Variants in MYPN observed in about 807,000 individuals in gnomAD.
MYPN encodes myopalladin, also known as sarcomeric protein myopalladin, 145 kDa (MYOP).
A neutral mutation model predicts 129.4 loss-of-function variants in MYPN; 63 were observed. The observed-to-expected ratio is 0.49, with a 90% CI of 0.40 to 0.60. MYPN has a LOEUF of 0.60. MYPN is among the 20% of genes least tolerant of loss of function. The pLI, the probability that MYPN is intolerant of heterozygous loss-of-function variation, is 0.00. For missense variants in MYPN, 1,596 were observed against 1,635.4 expected, an observed-to-expected ratio of 0.98 and a Z score of 0.42; for synonymous variants, 629 against 600.9, an observed-to-expected ratio of 1.05 and a Z score of -0.68.
chr10:68,103,519 T>A (rs1289178741), upstream of MYPN, among the ~76,000 whole-genome samples: 1 of 152,226 alleles, frequency 6.6e-6, no homozygotes, highest in Non-Finnish European at 1.5e-5. Flanking sequence ...AACAATCCCA[T>A]TGCCCATCAA....
At chr10:68,208,702 CCAA>C (rs1275474648) in intron 19 of MYPN, among the ~76,000 whole-genome samples, 8 of 152,138 alleles carry the variant, frequency 5.3e-5, no homozygotes, top group African/African-American at 1.7e-4. Context: ...TTCCATAGCA[CCAA>C]CAATAGGCAG....
intron 1 of MYPN, among the ~76,000 whole-genome samples, chr10:68,092,924 T>C (rs1191111892): frequency 6.6e-6 from 1 of 152,216 alleles, no homozygotes; most frequent in African/African-American, 2.4e-5. Context: ...CGAACCTGCT[T>C]GTTTTCTTGG....
At chr10:68,125,385 T>C (rs1001665706) in intron 2 of MYPN, among the ~76,000 whole-genome samples, 4 of 152,250 alleles carry the variant, frequency 2.6e-5, no homozygotes. Flanking sequence ...ATTTTCTGAA[T>C]GAGTTAGTAC....
At position 68,166,438 on chromosome 10, in the gene MYPN, T is replaced by A; in HGVS notation, c.1745T>A (p.Leu582Gln). The change falls in exon 10 of 20, where the codon CTG becomes CAG. Residue 582 changes from leucine (L) to glutamine (Q), a missense_variant. By Grantham distance (113) the Leu-to-Gln change is moderately radical. Coordinates refer to ENST00000358913, the MANE Select transcript of MYPN (RefSeq NM_032578.4). ...QPPKPKLEGV[L>Q]VNHNEPRSSS... Reference sequence around the variant, plus strand: ...CCCAAACCCAAACTCGAGGGGGTTCTGGTGAACCACAATGAGCCCCGGTCC... The same window carrying A: ...CCCAAACCCAAACTCGAGGGGGTTCAGGTGAACCACAATGAGCCCCGGTCC... 1 of 1,614,168 alleles carries A rather than the reference T, an allele frequency of 6.2e-7. No individual in the cohort carries two copies. The highest frequency in any genetic ancestry group is 8.5e-7 in the Non-Finnish European group (1 of 1,180,040).
In MYPN at chr10:68,211,918, A is replaced by G. The variant is rs1304586208; in HGVS notation, c.*1463A>G. The G allele has an allele frequency of 2.3e-6, 1 of 427,464 alleles. No individual in the cohort carries two copies. Among genetic ancestry groups the G allele is most frequent in the Non-Finnish European group, 4.7e-6 (1 of 212,378 alleles). 26.5% of individuals were successfully genotyped at this position (427,464 alleles called of 1,614,324 possible). On this transcript the variant is annotated 3_prime_UTR_variant, in exon 20 of 20. Transcript: ENST00000358913. ...GCCAAGCACACTCAGCTGGCATTGT[A>G]TTTGTGTGAACAGACAGTAACTGCT...
chr10:68,132,311 A>G (rs967787421), intron 2 of MYPN, among the ~76,000 whole-genome samples: 2 of 152,200 alleles, frequency 1.3e-5, no homozygotes, highest in African/African-American at 4.8e-5. Context: ...ATAATGTTAA[A>G]CCAATCTTGA....
rs149887823 is a variant in MYPN, at chr10:68,189,064, C to T, written c.2863C>T (p.Arg955Trp). 871 of 1,614,130 alleles carry T rather than the reference C, an allele frequency of 5.4e-4. No individual in the cohort carries two copies. The highest frequency in any genetic ancestry group is 6.1e-4 in the Non-Finnish European group (719 of 1,180,008). The change falls in exon 13 of 20, where the codon CGG (arginine) becomes TGG (tryptophan). Residue 955 changes from arginine (R) to tryptophan (W), a missense_variant. Coordinates refer to ENST00000358913, the MANE Select transcript of MYPN (RefSeq NM_032578.4). ...CTTTGACAAGAGACTCAAGCACTTC[C>T]GGGTCACAGAAGGCTCTCCAGTTAC... ...PIFDKRLKHF[R>W]VTEGSPVTFT...
chr10:68,170,032 G>A (rs1000990955), intron 10 of MYPN, among the ~76,000 whole-genome samples: 8 of 151,892 alleles, frequency 5.3e-5, no homozygotes, highest in South Asian at 2.1e-4. Context: ...GCCACCCACC[G>A]CACCCAGACA....
At chr10:68,194,135 C>A (rs2043562338) in intron 13 of MYPN, among the ~76,000 whole-genome samples, 1 of 151,990 alleles carries the variant, frequency 6.6e-6, no homozygotes, top group African/African-American at 2.4e-5. Flanking sequence ...ATATTGGATT[C>A]TTGACTTAAA....
chr10:68,204,041 A>T (rs186809870), intron 18 of MYPN, among the ~76,000 whole-genome samples: 1 of 152,206 alleles, frequency 6.6e-6, no homozygotes, highest in African/African-American at 2.4e-5. Context: ...CTCAAACATC[A>T]TCTTTCTAAG....
chr10:68,133,021 ATTTTTTTT>A (rs35346306), intron 2 of MYPN, among the ~76,000 whole-genome samples: 120 of 116,224 alleles, frequency 1.0e-3, no homozygotes, highest in African/African-American at 3.7e-3. Context: ...GTAGACCTCA[ATTTTTTTT>A]TTTTTTTTTT....
chr10:68,188,866 T>C (rs755688241), intron 12 of MYPN, 39 bp from the exon 13 acceptor site: 1 of 1,559,414 alleles, frequency 6.4e-7, no homozygotes, highest in East Asian at 2.3e-5. Context: ...TGTTCTTCCT[T>C]GCCATATGGA....
At chr10:68,103,103 T>C (rs1684856421), upstream of MYPN, among the ~76,000 whole-genome samples, 1 of 152,250 alleles carries the variant, frequency 6.6e-6, no homozygotes, top group South Asian at 2.1e-4. Flanking sequence ...AAAAAGATTT[T>C]GCAGGTCTTC....
upstream of MYPN, among the ~76,000 whole-genome samples, chr10:68,103,165 T>A (rs2041990215): frequency 6.6e-6 from 1 of 152,236 alleles, no homozygotes; most frequent in African/African-American, 2.4e-5. Context: ...ATGCCAGACA[T>A]ATAGATTCAT....
chr10:68,106,239 T>G, upstream of MYPN: 1 of 439,098 alleles, frequency 2.3e-6, no homozygotes, highest in Non-Finnish European at 4.5e-6. Flanking sequence ...TCTGTTTAGT[T>G]TTTAAAAATG....
intron 13 of MYPN, among the ~76,000 whole-genome samples, chr10:68,190,439 G>T (rs10823155): frequency 8.1e-6 from 1 of 122,752 alleles, no homozygotes; most frequent in African/African-American, 3.4e-5. Flanking sequence ...CACCCTGGAG[G>T]CCTCAGCCTC....
intron 1 of MYPN, among the ~76,000 whole-genome samples, chr10:68,100,079 T>C (rs560514819): frequency 7.6e-4 from 115 of 152,314 alleles, no homozygotes; most frequent in African/African-American, 2.6e-3. Flanking sequence ...AATCTTAAAG[T>C]ATGCTTCCTA....
intron 15 of MYPN, among the ~76,000 whole-genome samples, chr10:68,196,460 C>T (rs1436629918): frequency 4.0e-5 from 6 of 150,780 alleles, no homozygotes; most frequent in African/African-American, 9.7e-5. Flanking sequence ...ATTTCACCAC[C>T]GTTGCAACTA....
chr10:68,201,269 C>T (rs561142114), intron 17 of MYPN, among the ~76,000 whole-genome samples: 2 of 152,324 alleles, frequency 1.3e-5, no homozygotes, highest in South Asian at 2.1e-4. Context: ...TATTGCCTCT[C>T]GTGGGATGTG....
Sources: gnomAD v4.1 joint callset for allele counts (sites outside exome capture counted in the v4.1 genomes callset) on GRCh38, gnomAD v4.1.1 for gene constraint, MANE v1.5 for transcripts, NCBI Gene and HGNC (gene_info 2026-07-23, HGNC 2026-07-21) for gene names.